Variants in CPQ observed in about 807,000 individuals in gnomAD.
The protein encoded by CPQ is Ser-Met dipeptidase.
A neutral mutation model predicts 45.7 loss-of-function variants in CPQ; 37 were observed. The ratio of observed to expected loss-of-function variants is 0.81; its 90% CI spans 0.62 to 1.07. CPQ has a LOEUF of 1.07. CPQ is among the 50% of genes least tolerant of loss of function. The pLI, the probability that CPQ is intolerant of heterozygous loss-of-function variation, is 0.00. For synonymous variants in CPQ, 186 were observed against 205.8 expected (o/e 0.90, Z 0.82); for missense variants, 537 against 572.9 (o/e 0.94, Z 0.64).
chr8:96,932,400 G>A (rs1290658923), intron 4 of CPQ, among the ~76,000 whole-genome samples: 1 of 152,102 alleles, frequency 6.6e-6, no homozygotes, highest in Non-Finnish European at 1.5e-5. Context: ...CATAAAGTAT[G>A]TATCCTTTTT....
At chr8:97,134,226 G>A (rs1469889904) in intron 7 of CPQ, among the ~76,000 whole-genome samples, 2 of 152,214 alleles carry the variant, frequency 1.3e-5, no homozygotes, top group African/African-American at 4.8e-5. Flanking sequence ...GCCAGGCATT[G>A]AGGATTGGGG....
At chr8:96,928,819 C>T (rs982054016) in intron 4 of CPQ, among the ~76,000 whole-genome samples, 5 of 152,058 alleles carry the variant, frequency 3.3e-5, no homozygotes, top group East Asian at 3.8e-4. Context: ...AATGATACTC[C>T]GAGTCTGAGG....
intron 7 of CPQ, among the ~76,000 whole-genome samples, chr8:97,127,080 G>A (rs2130617131): frequency 6.6e-6 from 1 of 152,132 alleles, no homozygotes; most frequent in South Asian, 2.1e-4. Flanking sequence ...AGAAAATATA[G>A]GAGAAAAATC....
chr8:96,776,754 A>G (rs114394377), intron 1 of CPQ, among the ~76,000 whole-genome samples: 1,721 of 152,284 alleles, frequency 0.011, 41 homozygotes, highest in African/African-American at 0.038. Context: ...TTTTTGTGAA[A>G]AAGATAATCT....
chr8:96,972,863 T>G (rs1203128461), intron 5 of CPQ, among the ~76,000 whole-genome samples: 2 of 152,162 alleles, frequency 1.3e-5, no homozygotes, highest in African/African-American at 4.8e-5. Context: ...GAGCATCCCG[T>G]GGGACAAAAG....
chr8:96,663,805 A>G (rs574823014), intron 1 of CPQ, among the ~76,000 whole-genome samples: 1 of 152,254 alleles, frequency 6.6e-6, no homozygotes, highest in East Asian at 1.9e-4. Context: ...GAAATGCTCA[A>G]TGATAAGTCT....
Position 96,784,736 on chromosome 8 carries a change from T to C in CPQ, c.-34-128T>C, listed in dbSNP as rs140523552. The C allele has an allele frequency of 2.6e-4, 173 of 653,246 alleles. No individual in the cohort carries two copies. In the African/African-American group the frequency reaches 2.8e-3, roughly 11 times the overall value. The allele number at this position is 653,246 out of a possible 1,614,324, so 40.5% of individuals were successfully genotyped here. On this transcript the variant is annotated intron_variant, in intron 1 of 7. Transcript: ENST00000220763. ...TTCCTCAGAGTAACAGTGCCTGAAT[T>C]TGATGGTGGATGTTGGGCAGTGGTT...
intron 1 of CPQ, among the ~76,000 whole-genome samples, chr8:96,753,208 G>A (rs1810285494): frequency 6.6e-6 from 1 of 152,020 alleles, no homozygotes; most frequent in African/African-American, 2.4e-5. Context: ...CACATATTAA[G>A]TTATAATGTG....
intron 1 of CPQ, among the ~76,000 whole-genome samples, chr8:96,662,920 G>A (rs893023495): frequency 1.3e-5 from 2 of 152,276 alleles, no homozygotes; most frequent in Admixed American, 1.3e-4. Context: ...CCCTGTAAGG[G>A]TGAGGCTGCA....
chr8:96,723,723 A>G (rs1417389972), intron 1 of CPQ, among the ~76,000 whole-genome samples: 1 of 152,154 alleles, frequency 6.6e-6, no homozygotes, highest in East Asian at 1.9e-4. Context: ...CTCTAATTTT[A>G]CTATGATTTA....
At chr8:97,072,055 T>A (rs942099391) in intron 7 of CPQ, among the ~76,000 whole-genome samples, 2 of 152,074 alleles carry the variant, frequency 1.3e-5, no homozygotes, top group Non-Finnish European at 2.9e-5. Flanking sequence ...CTAAAACAAG[T>A]TTCTTAAACT....
chr8:96,807,814 A>G (rs1811104646), intron 2 of CPQ, among the ~76,000 whole-genome samples: 1 of 152,222 alleles, frequency 6.6e-6, no homozygotes, highest in Non-Finnish European at 1.5e-5. Flanking sequence ...AGTTGTCAAG[A>G]CAGATTGCAC....
At chr8:96,854,553 A>AC (rs1304272574) in intron 3 of CPQ, among the ~76,000 whole-genome samples, 1,508 of 127,488 alleles carry the variant, frequency 0.012, 181 homozygotes, top group African/African-American at 0.016. Context: ...AAAAAAAAAA[A>AC]AAAAAATGTG....
intron 2 of CPQ, among the ~76,000 whole-genome samples, chr8:96,816,881 A>G (rs1243183881): frequency 4.6e-5 from 7 of 152,144 alleles, no homozygotes; most frequent in Non-Finnish European, 8.8e-5. Context: ...TTAATAAACC[A>G]TATCTGTTCT....
At chr8:96,908,107 CGTGTGTGTGTGTGTGTGT>C (rs35548556) in intron 4 of CPQ, among the ~76,000 whole-genome samples, 2 of 145,708 alleles carry the variant, frequency 1.4e-5, no homozygotes, top group Non-Finnish European at 3.0e-5. Flanking sequence ...CCCACTGCAA[CGTGTGTGTGTGTGTGTGT>C]GTGTGTGTGT....
chr8:96,873,446 ATTG>A (rs1165047809), intron 3 of CPQ, among the ~76,000 whole-genome samples: 1 of 151,500 alleles, frequency 6.6e-6, no homozygotes, highest in African/African-American at 2.4e-5. Flanking sequence ...ATTTTCTCTT[ATTG>A]TTGTTAATGA....
At chr8:96,864,247 G>C (rs1056499684) in intron 3 of CPQ, among the ~76,000 whole-genome samples, 1 of 152,016 alleles carries the variant, frequency 6.6e-6, no homozygotes, top group Non-Finnish European at 1.5e-5. Flanking sequence ...TAGGCACCTA[G>C]TATGTTTAGC....
intron 3 of CPQ, among the ~76,000 whole-genome samples, chr8:96,864,090 G>A (rs1811965163): frequency 6.6e-6 from 1 of 152,070 alleles, no homozygotes; most frequent in Admixed American, 6.6e-5. Flanking sequence ...GAAATAGCTG[G>A]AAGAAGAATG....
chr8:96,810,969 A>G (rs1183128953), intron 2 of CPQ, among the ~76,000 whole-genome samples: 1 of 152,230 alleles, frequency 6.6e-6, no homozygotes, highest in African/African-American at 2.4e-5. Flanking sequence ...GAGAAATGTT[A>G]TCCAGTTTTC....
Sources: gnomAD v4.1 joint callset for allele counts (sites outside exome capture counted in the v4.1 genomes callset) on GRCh38, gnomAD v4.1.1 for gene constraint, MANE v1.5 for transcripts, NCBI Gene and HGNC (gene_info 2026-07-23, HGNC 2026-07-21) for gene names.